Variants in TXNIP observed in about 807,000 individuals in gnomAD.
The protein encoded by TXNIP is thioredoxin interacting protein.
TXNIP carries 23 observed loss-of-function variants against 43.9 expected under a neutral mutation model. That is an observed-to-expected ratio of 0.52 (90% CI 0.38 to 0.74). The LOEUF (loss-of-function observed/expected upper bound fraction) is 0.74. Among genes scored for constraint, TXNIP ranks in the 30% least tolerant of loss-of-function variants. The probability of loss-of-function intolerance (pLI) is 0.00; values close to 1 mark genes in which losing one functional copy is unlikely to be tolerated. For synonymous variants in TXNIP, 234 were observed against 172.2 expected (o/e 1.36, Z -2.81); for missense variants, 555 against 485.4 (o/e 1.14, Z -1.35).
In TXNIP at chr1:145,995,042, G is replaced by C. The variant is rs782811782; in HGVS notation, c.472-11C>G. ...AGCAGACACAGGTGCCTATATAGAAGGGGATAAAAAGGTGTTTTGAGATGC... is the reference window on the plus strand; with the variant it reads ...AGCAGACACAGGTGCCTATATAGAACGGGATAAAAAGGTGTTTTGAGATGC... On this transcript the variant is annotated splice_polypyrimidine_tract_variant and intron_variant, in intron 3 of 7. Transcript: ENST00000582401. 1.2e-6 allele frequency: 2 copies of C among 1,613,786 alleles called. No homozygotes were observed. Among genetic ancestry groups the C allele is most frequent in the South Asian group, 1.1e-5 (1 of 91,080 alleles).
In TXNIP at chr1:145,996,143, T is replaced by C; in HGVS notation, c.124A>G (p.Lys42Glu). Residue 42 changes from lysine (K) to glutamate (E), a missense_variant, in exon 1 of 8, where the codon AAA becomes GAA. By Grantham distance (56) the Lys-to-Glu change is moderately conservative. Coordinates refer to ENST00000582401, the MANE Select transcript of TXNIP (RefSeq NM_006472.6). ...CCGCAAGCCAGGATCCTAACGGCTT[T>C]GACACGAGTAACTTCACACACCTCC... The part of the protein sequence containing the change: ...IVEVCEVTRV[K>E]AVRILACGVA... The C allele has an allele frequency of 6.2e-7, 1 of 1,614,060 alleles. No homozygotes were observed. Among genetic ancestry groups the C allele is most frequent in the Non-Finnish European group, 8.5e-7 (1 of 1,180,008 alleles).
intron 1 of TXNIP, 152 bp downstream of exon 1, chr1:145,995,865 A>T (rs782676150): frequency 1.0e-6 from 1 of 958,070 alleles, no homozygotes; most frequent in Non-Finnish European, 1.5e-6. Context: ...GGGGAGGAGA[A>T]TGTCTGCAAA....
chr1:145,995,450 G>T lies in TXNIP; in HGVS notation c.277C>A (p.Pro93Thr), dbSNP rs1651447462. The change falls in exon 2 of 8, where the codon CCT (proline) becomes ACT (threonine). Residue 93 changes from proline to threonine, a missense_variant. By Grantham distance (38) the Pro-to-Thr change is conservative. Transcript: ENST00000582401. ...TGENEMVIMR[P>T]GNKYEYKFGF... ...AACTTGTACTCATATTTGTTTCCAG[G>T]TCTCATGATCACCATCTCATTCTCA... 1 of 1,613,984 alleles carries T rather than the reference G, an allele frequency of 6.2e-7. No homozygotes were observed. Among genetic ancestry groups the T allele is most frequent in the Non-Finnish European group, 8.5e-7 (1 of 1,180,010 alleles).
Position 145,993,888 on chromosome 1 carries a change from TAAAG to T in TXNIP, c.1141-6_1141-3del, listed in dbSNP as rs782372050. ...GTTGTTGAGGATGCAGGGATCCACC[TAAAG>T]AAAGAAACAGACTATTTCAGTTCAG... On this transcript the variant is annotated splice_polypyrimidine_tract_variant and splice_region_variant and intron_variant, in intron 7 of 7. Transcript: ENST00000582401. 1.6e-5 allele frequency: 26 copies of T among 1,614,022 alleles called. No homozygotes were observed. In the East Asian group the frequency reaches 3.1e-4, roughly 19 times the overall value.
At chr1:145,995,822 A>G (rs1651488034) in intron 1 of TXNIP, 195 bp downstream of exon 1, 2 of 738,588 alleles carry the variant, frequency 2.7e-6, no homozygotes, top group South Asian at 1.9e-5. Context: ...ACAGCACCAT[A>G]AAAAATTGTA....
At position 145,995,200 on chromosome 1, in the gene TXNIP, T is replaced by C; in HGVS notation, c.415A>G (p.Thr139Ala). The C allele has an allele frequency of 6.2e-7, 1 of 1,614,138 alleles. No individual in the cohort carries two copies. Among genetic ancestry groups the C allele is most frequent in the Non-Finnish European group, 8.5e-7 (1 of 1,180,016 alleles). ...TCCACTACTTCAAAGTTTTTCTTTG[T>C]CTCTTGAGTTGGCTGGCTCGGGCGG... is the stretch of plus-strand genomic sequence containing the variant. ...LDRPSQPTQETKKNFEVVDLV... is the reference protein window; with the variant it reads ...LDRPSQPTQEAKKNFEVVDLV... Residue 139 changes from threonine to alanine, a missense_variant, in exon 3 of 8, where the codon ACA becomes GCA. Coordinates refer to ENST00000582401, the MANE Select transcript of TXNIP (RefSeq NM_006472.6).
intron 3 of TXNIP, 38 bp downstream of exon 3, chr1:145,995,106 A>C (rs1651417431): frequency 6.2e-7 from 1 of 1,613,640 alleles, no homozygotes; most frequent in Admixed American, 1.7e-5. Context: ...TATCATCCTC[A>C]TGACCCAGGA....
rs2791750 is a variant in TXNIP at position 145,995,356 on chromosome 1, A to T, written c.323+48T>A. The T allele has an allele frequency of 3.1e-6, 5 of 1,609,784 alleles. No homozygotes were observed. The African/African-American group carries it at 6.7e-5, about 22-fold the overall frequency. ...AACAGTAAGTGATCAAAGGAGGGCA[A>T]GATATTTTAGACAGAAAAGTTCAAA... is the stretch of plus-strand genomic sequence containing the variant. On this transcript the variant is annotated intron_variant, in intron 2 of 7. Transcript: ENST00000582401.
rs1264881897 is a variant in TXNIP, at chr1:145,994,335, G to A, written c.934C>T (p.Arg312Ter). The A allele has an allele frequency of 1.8e-5, 29 of 1,614,054 alleles. 1 individual carries two copies. Among genetic ancestry groups the A allele is most frequent in the Non-Finnish European group, 2.3e-5 (27 of 1,180,036 alleles). ...LSSRTSSMASRTSSEMSWVDL... is the reference protein window; with the variant it reads ...LSSRTSSMAS ...ACCCAACTCATCTCAGAGCTGGTTC[G>A]GCTGGCCATGCTGGATGTTCTGCTG... Residue 312 changes from arginine to a stop codon, truncating the protein, a stop_gained, in exon 6 of 8, where the codon CGA (arginine) becomes TGA (stop). Coordinates refer to ENST00000582401, the MANE Select transcript of TXNIP (RefSeq NM_006472.6). LOFTEE classifies it high-confidence loss of function.
chr1:145,995,691 A>G, intron 1 of TXNIP: 1 of 626,524 alleles, frequency 1.6e-6, no homozygotes, highest in Non-Finnish European at 2.8e-6. Context: ...ATACTGAAAG[A>G]TTCACCCAGG....
rs587639967 is a variant in TXNIP at position 145,996,559 on chromosome 1, G to A, written c.-293C>T. On this transcript the variant is annotated 5_prime_UTR_variant, in exon 1 of 8. Coordinates refer to ENST00000582401, the MANE Select transcript of TXNIP (RefSeq NM_006472.6). ...TCCGATCTCCACAAGCACTCCTTTG[G>A]AGAAAAAGAGGGGTTAGTTTCAAGC... 27 of 284,214 alleles carry A rather than the reference G, an allele frequency of 9.5e-5. No individual in the cohort carries two copies. The highest frequency in any genetic ancestry group is 5.4e-4 in the African/African-American group (24 of 44,460). 17.6% of individuals were successfully genotyped at this position (284,214 alleles called of 1,614,324 possible).
chr1:145,995,683 A>C, intron 1 of TXNIP: 1 of 631,262 alleles, frequency 1.6e-6, no homozygotes, highest in African/African-American at 1.8e-5. Flanking sequence ...GCCCTGCAAT[A>C]CTGAAAGATT....
rs1331993431 is a variant in TXNIP, at chr1:145,993,771, G to A, written c.*80C>T. On this transcript the variant is annotated 3_prime_UTR_variant, in exon 8 of 8. Coordinates refer to ENST00000582401, the MANE Select transcript of TXNIP (RefSeq NM_006472.6). Reference sequence around the variant, plus strand: ...CCCACACTCCATTGCAGAGACTGTTGAGTCTCTGAAAAAGTGAGTGTCCAG... The same window carrying A: ...CCCACACTCCATTGCAGAGACTGTTAAGTCTCTGAAAAAGTGAGTGTCCAG... 1 of 1,505,732 alleles carries A rather than the reference G, an allele frequency of 6.6e-7. No homozygotes were observed. Among genetic ancestry groups the A allele is most frequent in the Non-Finnish European group, 9.2e-7 (1 of 1,089,102 alleles). The allele number at this position is 1,505,732 out of a possible 1,614,324, so 93.3% of individuals were successfully genotyped here.
In TXNIP at chr1:145,993,800, G is replaced by T; in HGVS notation, c.*51C>A. 1 of 1,608,734 alleles carries T rather than the reference G, an allele frequency of 6.2e-7. No homozygotes were observed. The highest frequency in any genetic ancestry group is 8.5e-7 in the Non-Finnish European group (1 of 1,175,984). ...CTCTGAAAAAGTGAGTGTCCAGGAA[G>T]AGAGACAAAAAGAAACAAGTAGGTA... is the stretch of plus-strand genomic sequence containing the variant. On this transcript the variant is annotated 3_prime_UTR_variant, in exon 8 of 8. Transcript: ENST00000582401.
In TXNIP at chr1:145,993,197, A is replaced by G. The variant is rs1651258339; in HGVS notation, c.*654T>C. The G allele has an allele frequency of 6.7e-6, 1 of 150,272 alleles. No individual in the cohort carries two copies. Among genetic ancestry groups the G allele is most frequent in the East Asian group, 1.9e-4 (1 of 5,146 alleles). 9.3% of individuals were successfully genotyped at this position (150,272 alleles called of 1,614,324 possible). On this transcript the variant is annotated 3_prime_UTR_variant, in exon 8 of 8. Coordinates refer to ENST00000582401, the MANE Select transcript of TXNIP (RefSeq NM_006472.6). The stretch of plus-strand genomic sequence containing the variant: ...TAAGACCTTTGGTGGGGCAGTTACT[A>G]CTGCTTTAAAAGCCAGGTTAAAGTA...
At position 145,993,419 on chromosome 1, in the gene TXNIP, T is replaced by G. The variant is rs929395114; in HGVS notation, c.*432A>C. Reference sequence around the variant, plus strand: ...CAATTTCCCTTTTCATCTTCCTAGTTTGTTAAATTGGCTCTTCTCCACATG... The same window carrying G: ...CAATTTCCCTTTTCATCTTCCTAGTGTGTTAAATTGGCTCTTCTCCACATG... On this transcript the variant is annotated 3_prime_UTR_variant, in exon 8 of 8. Coordinates refer to ENST00000582401, the MANE Select transcript of TXNIP (RefSeq NM_006472.6). 21 of 157,482 alleles carry G rather than the reference T, an allele frequency of 1.3e-4. No homozygotes were observed. The highest frequency in any genetic ancestry group is 4.8e-4 in the African/African-American group (20 of 41,426). 9.8% of individuals were successfully genotyped at this position (157,482 alleles called of 1,614,324 possible).
In TXNIP at chr1:145,996,022, G is replaced by C; in HGVS notation, c.245C>G (p.Pro82Arg). 6.2e-7 allele frequency: 1 copy of C among 1,613,212 alleles called. No individual in the cohort carries two copies. Among genetic ancestry groups the C allele is most frequent in the East Asian group, 2.2e-5 (1 of 44,884 alleles). Residue 82 changes from proline (P) to arginine (R), a missense_variant, in exon 1 of 8, where the codon CCA becomes CGA. Coordinates refer to ENST00000582401, the MANE Select transcript of TXNIP (RefSeq NM_006472.6). ...YEDTLLLEDQ[P>R]TGENEMVIMR... ...CAATGAATTGGGCCGCTTACCTGTTGGCTGGTCTTCCAGAAGAAGCGTGTC... is the reference window on the plus strand; with the variant it reads ...CAATGAATTGGGCCGCTTACCTGTTCGCTGGTCTTCCAGAAGAAGCGTGTC...
chr1:145,992,550 A>G lies in TXNIP; in HGVS notation c.*1301T>C, dbSNP rs587744932. ...TAGTCTTTACCATACAAAAAGATAC[A>G]TAATACAAAAACATGAAACCAACCA... On this transcript the variant is annotated 3_prime_UTR_variant, in exon 8 of 8. Coordinates refer to ENST00000582401, the MANE Select transcript of TXNIP (RefSeq NM_006472.6). 21 of 152,800 alleles carry G rather than the reference A, an allele frequency of 1.4e-4. No homozygotes were observed. The highest frequency in any genetic ancestry group is 2.6e-4 in the Non-Finnish European group (18 of 68,044). The allele number at this position is 152,800 out of a possible 1,614,324, so 9.5% of individuals were successfully genotyped here. A position where few individuals can be genotyped will look rare whatever the true frequency, so the allele number is the denominator to read the frequency against.
chr1:145,995,429 T>TA lies in TXNIP; in HGVS notation c.297_298insT (p.Lys100Ter). On this transcript the variant is annotated frameshift_variant, in exon 2 of 8. Transcript: ENST00000582401. LOFTEE classifies it high-confidence loss of function. ...CCCTGAGGAAGCTCAAAGCCGAACT[T>TA]GTACTCATATTTGTTTCCAGGTCTC... 6.2e-7 allele frequency: 1 copy of TA among 1,614,116 alleles called. No individual in the cohort carries two copies. Among genetic ancestry groups the TA allele is most frequent in the Non-Finnish European group, 8.5e-7 (1 of 1,179,998 alleles).
Sources: gnomAD v4.1 joint callset for allele counts on GRCh38, gnomAD v4.1.1 for gene constraint, MANE v1.5 for transcripts, NCBI Gene and HGNC (gene_info 2026-07-23, HGNC 2026-07-21) for gene names.